The following DIP2B variants were observed in gnomAD, a reference collection of about 807,000 sequenced individuals.
DIP2B encodes DIP2 acetate--CoA ligase B (putative).
DIP2B carries 76 observed loss-of-function variants against 198.0 expected under a neutral mutation model. The observed-to-expected ratio is 0.38, with a 90% CI of 0.32 to 0.46. The LOEUF (loss-of-function observed/expected upper bound fraction) is 0.46, where lower values mean the gene tolerates loss of function less well. DIP2B is among the 20% of genes least tolerant of loss of function. The pLI is 0.99. For synonymous variants in DIP2B, 701 were observed against 739.1 expected (o/e 0.95, Z 0.84); for missense variants, 1,559 against 1,978.4 (o/e 0.79, Z 4.02).
At position 50,698,443 on chromosome 12, in the gene DIP2B, G is replaced by A; in HGVS notation, c.2164G>A (p.Asp722Asn). Residue 722 changes from aspartate (D) to asparagine (N), a missense_variant, in exon 18 of 38, where the codon GAT becomes AAT. By Grantham distance (23) the Asp-to-Asn change is conservative. Coordinates refer to ENST00000301180, the MANE Select transcript of DIP2B (RefSeq NM_173602.3). ...TAAAAATTCAGCACTGACGGTCCAG[G>A]ATGTAGGGCATGTAATGCCTGGTGG... is the stretch of plus-strand genomic sequence containing the variant. ...EDKNSALTVQDVGHVMPGGMM... is the reference protein window; with the variant it reads ...EDKNSALTVQNVGHVMPGGMM... The A allele has an allele frequency of 6.2e-7, 1 of 1,613,804 alleles. No homozygotes were observed.
At chr12:50,559,921 G>A (rs1958504378) in intron 1 of DIP2B, among the ~76,000 whole-genome samples, 2 of 152,074 alleles carry the variant, frequency 1.3e-5, no homozygotes, top group African/African-American at 4.8e-5. Flanking sequence ...ACAAGTATAA[G>A]CCGTGTAAAG....
intron 1 of DIP2B, among the ~76,000 whole-genome samples, chr12:50,517,672 T>A (rs1296609552): frequency 6.6e-6 from 1 of 152,174 alleles, no homozygotes; most frequent in African/African-American, 2.4e-5. Flanking sequence ...CCTGCCTGCC[T>A]TTTTACCCTC....
At chr12:50,531,514 A>G (rs1958216965) in intron 1 of DIP2B, among the ~76,000 whole-genome samples, 1 of 152,186 alleles carries the variant, frequency 6.6e-6, no homozygotes, top group African/African-American at 2.4e-5. Context: ...TGTTGCATAG[A>G]GTTTGAGACT....
chr12:50,530,209 T>C (rs1054399832), intron 1 of DIP2B, among the ~76,000 whole-genome samples: 1 of 152,134 alleles, frequency 6.6e-6, no homozygotes, highest in African/African-American at 2.4e-5. Flanking sequence ...CCCGAGGAGC[T>C]GGGACTACAG....
intron 1 of DIP2B, among the ~76,000 whole-genome samples, chr12:50,555,696 T>TA (rs1297837563): frequency 1.3e-5 from 2 of 152,118 alleles, no homozygotes; most frequent in African/African-American, 4.8e-5. Context: ...CTTTAATACT[T>TA]ACTTTTTCCA....
intron 3 of DIP2B, among the ~76,000 whole-genome samples, chr12:50,653,056 C>G (rs1035366231): frequency 5.9e-5 from 9 of 151,494 alleles, no homozygotes; most frequent in African/African-American, 2.2e-4. Flanking sequence ...TGATCCTCTT[C>G]TTCAGTTTTT....
chr12:50,597,097 T>C (rs978622530), intron 1 of DIP2B, among the ~76,000 whole-genome samples: 1 of 152,302 alleles, frequency 6.6e-6, no homozygotes, highest in Non-Finnish European at 1.5e-5. Flanking sequence ...CAAGAATATA[T>C]ACCCAGAGAC....
intron 1 of DIP2B, among the ~76,000 whole-genome samples, chr12:50,610,887 C>G (rs894516410): frequency 6.6e-6 from 1 of 151,152 alleles, no homozygotes; most frequent in African/African-American, 2.4e-5. Context: ...ACTGCAACCT[C>G]TGCCTCCGTT....
chr12:50,732,647 T>C, intron 32 of DIP2B, 111 bp downstream of exon 32: 1 of 1,360,342 alleles, frequency 7.4e-7, no homozygotes. Flanking sequence ...CCGCACTTAC[T>C]TGCTTTGGAA....
Position 50,620,171 on chromosome 12 carries a change from G to A in DIP2B, c.101-5805G>A, listed in dbSNP as rs577451192. 2.6e-5 allele frequency among the ~76,000 whole-genome samples: 4 copies of A among 152,316 alleles called. No individual in the cohort carries two copies. The South Asian group carries it at 6.2e-4, about 24-fold the overall frequency. On this transcript the variant is annotated intron_variant, in intron 1 of 37. Coordinates refer to ENST00000301180, the MANE Select transcript of DIP2B (RefSeq NM_173602.3). ...CCACAGCAGTGTCACCCACCTGACT[G>A]GTGTAAATACACACTAACTGCTCAC...
intron 19 of DIP2B, among the ~76,000 whole-genome samples, chr12:50,700,087 T>C (rs114678376): frequency 0.01 from 1,531 of 152,302 alleles, 26 homozygotes; most frequent in African/African-American, 0.035. Flanking sequence ...CAGACAAATA[T>C]TTTTTGAGCA....
At chr12:50,558,422 A>T (rs935940682) in intron 1 of DIP2B, among the ~76,000 whole-genome samples, 1 of 152,224 alleles carries the variant, frequency 6.6e-6, no homozygotes, top group Non-Finnish European at 1.5e-5. Context: ...AATCATATAT[A>T]AGGGAACCTT....
intron 1 of DIP2B, among the ~76,000 whole-genome samples, chr12:50,529,215 CAG>C (rs1301426146): frequency 6.6e-6 from 1 of 152,134 alleles, no homozygotes; most frequent in Admixed American, 6.5e-5. Flanking sequence ...TACCTGAACT[CAG>C]GGAGATGGAG....
rs1409771132 is a variant in DIP2B, at chr12:50,724,746, ATGCTTATTGCTG to A, written c.3289-27_3289-16del. On this transcript the variant is annotated splice_polypyrimidine_tract_variant and intron_variant, in intron 27 of 37. Coordinates refer to ENST00000301180, the MANE Select transcript of DIP2B (RefSeq NM_173602.3). ...TGCCATGTTGGGGCTGAGCCTCCTG[ATGCTTATTGCTG>A]TCCATTTGTTTTCTAGGTCAGCAAA... 8 of 1,606,816 alleles carry A rather than the reference ATGCTTATTGCTG, an allele frequency of 5.0e-6. No individual in the cohort carries two copies. The highest frequency in any genetic ancestry group is 1.3e-5 in the African/African-American group (1 of 74,704).
chr12:50,656,841 G>C (rs1465303803), intron 3 of DIP2B: 2 of 152,110 alleles, frequency 1.3e-5, no homozygotes, highest in Non-Finnish European at 2.9e-5. Flanking sequence ...CAAAGTGCTG[G>C]AATTACAGGC....
At chr12:50,530,522 G>A (rs900613094) in intron 1 of DIP2B, among the ~76,000 whole-genome samples, 1 of 152,170 alleles carries the variant, frequency 6.6e-6, no homozygotes, top group Non-Finnish European at 1.5e-5. Context: ...ATAGTTTCAG[G>A]TTGCTGTGTC....
At chr12:50,698,927 GT>G (rs1336729864) in intron 18 of DIP2B, 138 bp from the exon 19 acceptor site, 1 of 908,364 alleles carries the variant, frequency 1.1e-6, no homozygotes, top group Non-Finnish European at 1.7e-6. Context: ...TCAGGTTTAT[GT>G]TTAGCATTCC....
In DIP2B at chr12:50,613,247, A is replaced by G. The variant is rs1456795074; in HGVS notation, c.101-12729A>G. 7.9e-5 allele frequency among the ~76,000 whole-genome samples: 12 copies of G among 152,328 alleles called. No individual in the cohort carries two copies. The South Asian group carries it at 2.1e-3, about 26-fold the overall frequency. ...CTTTCCCATCTGGAAACTGAGACTC[A>G]TAATACTCTTCCATGGAATTGTTTT... On this transcript the variant is annotated intron_variant, in intron 1 of 37. Transcript: ENST00000301180.
chr12:50,521,094 G>GTTTTTT (rs386376482), intron 1 of DIP2B, among the ~76,000 whole-genome samples: 47 of 94,312 alleles, frequency 5.0e-4, no homozygotes, highest in African/African-American at 9.7e-4. Context: ...TTCAGCAACA[G>GTTTTTT]TTTTTTTTTT....
Sources: gnomAD v4.1 joint callset for allele counts (sites outside exome capture counted in the v4.1 genomes callset) on GRCh38, gnomAD v4.1.1 for gene constraint, MANE v1.5 for transcripts, NCBI Gene and HGNC (gene_info 2026-07-23, HGNC 2026-07-21) for gene names.